Variants in ACTA2 observed in about 807,000 individuals in gnomAD.
ACTA2 encodes the protein actin, aortic smooth muscle.
Under a neutral mutation model 39.5 loss-of-function variants are expected in ACTA2, and 12 were observed. The ratio of observed to expected loss-of-function variants is 0.30; its 90% CI spans 0.19 to 0.49. ACTA2 has a LOEUF of 0.49. ACTA2 is among the 20% of genes least tolerant of loss of function. The pLI, the probability that ACTA2 is intolerant of heterozygous loss-of-function variation, is 0.99. For synonymous variants in ACTA2, 158 were observed against 180.6 expected (o/e 0.88, Z 1.00); for missense variants, 236 against 498.8 (o/e 0.47, Z 5.02).
chr10:88,975,276 A>G (rs1446037908), intron 1 of ACTA2: 1 of 152,208 alleles, frequency 6.6e-6, no homozygotes, highest in African/African-American at 2.4e-5. Context: ...ATACAAAAGG[A>G]AGGAGATAAA....
chr10:88,959,445 G>A (rs1846191854), intron 1 of ACTA2, among the ~76,000 whole-genome samples: 1 of 152,128 alleles, frequency 6.6e-6, no homozygotes, highest in Non-Finnish European at 1.5e-5. Context: ...CAACAGAGGA[G>A]TGTATTAATA....
intron 1 of ACTA2, among the ~76,000 whole-genome samples, chr10:88,972,579 A>AT (rs1420691599): frequency 1.3e-5 from 2 of 150,322 alleles, no homozygotes; most frequent in African/African-American, 4.9e-5. Context: ...ATTGTAATTT[A>AT]TCTATTAGCT....
chr10:88,963,481 C>T (rs1846270861), intron 1 of ACTA2, among the ~76,000 whole-genome samples: 2 of 151,868 alleles, frequency 1.3e-5, no homozygotes, highest in Admixed American at 1.3e-4. Context: ...AAATTTTTTA[C>T]ACTCACCTTA....
intron 1 of ACTA2, chr10:88,973,200 G>A: frequency 6.2e-7 from 1 of 1,611,942 alleles, no homozygotes; most frequent in Non-Finnish European, 8.5e-7. Context: ...ATTCCTTTCT[G>A]GGATAATTTC....
chr10:88,959,359 G>A (rs79025677), intron 1 of ACTA2, among the ~76,000 whole-genome samples: 1 of 152,258 alleles, frequency 6.6e-6, no homozygotes, highest in East Asian at 1.9e-4. Context: ...GATGTCTAAT[G>A]TGTATCCAAG....
intron 1 of ACTA2, among the ~76,000 whole-genome samples, chr10:88,961,731 C>T (rs1160060642): frequency 6.6e-6 from 1 of 152,144 alleles, no homozygotes; most frequent in Non-Finnish European, 1.5e-5. Context: ...TGTGCTAATT[C>T]ACCTCTCAGT....
At chr10:88,948,603 T>C (rs995806486) in intron 2 of ACTA2, 199 bp downstream of exon 2, 7 of 650,364 alleles carry the variant, frequency 1.1e-5, no homozygotes, top group Non-Finnish European at 1.6e-5. Context: ...AGACTTTGTA[T>C]CTGATAGATG....
intron 1 of ACTA2, chr10:88,973,158 C>G: frequency 6.2e-7 from 1 of 1,600,968 alleles, no homozygotes; most frequent in Non-Finnish European, 8.5e-7. Flanking sequence ...CTCTCACCTT[C>G]CCTTTCTTCT....
intron 8 of ACTA2, among the ~76,000 whole-genome samples, chr10:88,936,315 A>G (rs1218635067): frequency 1.3e-5 from 2 of 152,158 alleles, no homozygotes; most frequent in Non-Finnish European, 2.9e-5. Flanking sequence ...TTTAAAAATA[A>G]CCTTTTTATT....
chr10:88,948,705 A>G, intron 2 of ACTA2, 97 bp downstream of exon 2: 1 of 1,554,694 alleles, frequency 6.4e-7, no homozygotes, highest in Non-Finnish European at 8.9e-7. Flanking sequence ...AGGTTACATA[A>G]CTTCTGGGCA....
chr10:88,987,436 G>A (rs1846935464), intron 1 of ACTA2, among the ~76,000 whole-genome samples: 1 of 152,148 alleles, frequency 6.6e-6, no homozygotes, highest in Non-Finnish European at 1.5e-5. Context: ...TCCAGAACTT[G>A]GATAGCTCTA....
chr10:88,945,193 G>A (rs1483055528), intron 3 of ACTA2, among the ~76,000 whole-genome samples: 7 of 152,260 alleles, frequency 4.6e-5, no homozygotes, highest in African/African-American at 7.2e-5. Flanking sequence ...TGTCTAGGAC[G>A]ATACATTCTA....
Position 88,990,902 on chromosome 10 carries a change from C to T in ACTA2, c.-24+37G>A. ...ATGCTGGGCATCTGGACCCTCCTAC[C>T]TCTGGTGAGCCCTCTCCTGCCCGGG... On this transcript the variant is annotated intron_variant, in intron 1 of 4. Coordinates refer to the ACTA2 transcript ENST00000415557. This position sits in a 1 kb window ranked among gnomAD's most constrained non-coding sequence, Gnocchi z 4.9. The T allele has an allele frequency of 6.2e-7, 1 of 1,614,228 alleles. No individual in the cohort carries two copies. The highest frequency in any genetic ancestry group is 8.5e-7 in the Non-Finnish European group (1 of 1,180,040).
intron 4 of ACTA2, 84 bp from the exon 5 acceptor site, chr10:88,941,953 G>A (rs2133256755): frequency 1.6e-6 from 2 of 1,289,064 alleles, no homozygotes; most frequent in South Asian, 2.5e-5. Flanking sequence ...GTTGATGGAT[G>A]CAGAGGGGCC....
upstream of ACTA2, among the ~76,000 whole-genome samples, chr10:88,953,272 G>A (rs373879585): frequency 1.2e-3 from 183 of 152,350 alleles, no homozygotes; most frequent in South Asian, 2.7e-3. Flanking sequence ...CATAGAGGGA[G>A]TGATGATTTT....
intron 1 of ACTA2, among the ~76,000 whole-genome samples, chr10:88,976,639 A>G (rs1297838488): frequency 2.0e-5 from 3 of 152,230 alleles, no homozygotes; most frequent in Non-Finnish European, 2.9e-5. Context: ...CAGCAATTCA[A>G]TGATATTGTG....
chr10:88,951,750 T>C (rs1300538641), intron 1 of ACTA2, among the ~76,000 whole-genome samples: 1 of 152,158 alleles, frequency 6.6e-6, no homozygotes, highest in Non-Finnish European at 1.5e-5. Context: ...GTGCGTCTTG[T>C]GCCAAAAATG....
At chr10:88,985,393 G>C (rs1210896384) in intron 1 of ACTA2, among the ~76,000 whole-genome samples, 2 of 152,164 alleles carry the variant, frequency 1.3e-5, no homozygotes, top group African/African-American at 4.8e-5. Context: ...TCCTTTCTCA[G>C]TTGAACTAGA....
At chr10:88,947,499 A>C in intron 2 of ACTA2, 113 bp from the exon 3 acceptor site, 1 of 1,487,480 alleles carries the variant, frequency 6.7e-7, no homozygotes, top group South Asian at 1.1e-5. Flanking sequence ...TCTGATTATC[A>C]GCAACAATAA....
Sources: allele counts gnomAD v4.1 joint callset (sites outside exome capture counted in the v4.1 genomes callset), GRCh38; gene constraint gnomAD v4.1.1; non-coding constraint Gnocchi (gnomAD v3.1); transcripts MANE v1.5; gene names NCBI Gene and HGNC (gene_info 2026-07-23, HGNC 2026-07-21).